CYSTM1: variants seen among roughly 807,000 people sequenced by gnomAD.
CYSTM1 encodes the protein cysteine-rich transmembrane module-containing protein 1.
CYSTM1 carries 4 observed loss-of-function variants against 13.1 expected under a neutral mutation model. The ratio of observed to expected loss-of-function variants is 0.31; its 90% CI spans 0.15 to 0.70. CYSTM1 has a LOEUF of 0.70. Ranked by LOEUF, CYSTM1 falls within the 30% of genes least tolerant of loss-of-function variation. The pLI is 0.72. For synonymous variants in CYSTM1, 36 were observed against 42.7 expected (o/e 0.84, Z 0.62); for missense variants, 96 against 121.6 (o/e 0.79, Z 0.99).
chr5:140,184,692 A>G (rs997200668), intron 1 of CYSTM1, among the ~76,000 whole-genome samples: 3 of 152,176 alleles, frequency 2.0e-5, no homozygotes, highest in African/African-American at 7.2e-5. Flanking sequence ...TATAAATGTT[A>G]TATCTTACAG....
chr5:140,243,313 G>A lies in CYSTM1; in HGVS notation c.196G>A (p.Val66Ile), dbSNP rs1362061880. 6.2e-7 allele frequency: 1 copy of A among 1,613,968 alleles called. No homozygotes were observed. The highest frequency in any genetic ancestry group is 1.1e-5 in the South Asian group (1 of 91,072). The change falls in exon 3 of 3, where the codon GTA becomes ATA. Residue 66 changes from valine (V) to isoleucine (I), a missense_variant. Val to Ile is a conservative substitution (Grantham distance 29). Coordinates refer to ENST00000261811, the MANE Select transcript of CYSTM1 (RefSeq NM_032412.4). ...QEPPKTTVYVVEDQRRDELGP... is the reference protein window; with the variant it reads ...QEPPKTTVYVIEDQRRDELGP... ...CCCTCTTCTCCCTCCAGTGTATGTG[G>A]TAGAAGACCAAAGAAGAGATGAGCT...
Position 140,175,745 on chromosome 5 carries a change from G to C in CYSTM1, c.-21+460G>C, listed in dbSNP as rs886981806. On this transcript the variant is annotated intron_variant, in intron 1 of 2. Coordinates refer to ENST00000261811, the MANE Select transcript of CYSTM1 (RefSeq NM_032412.4). The surrounding 1 kb of genome is among the most constrained non-coding windows in gnomAD (Gnocchi z 4.9). ...GCAGGGGGCAGGTCGCGAGTCCCGC[G>C]GGTGGGAGCGGAGCGGAAGTAACTA... Among the ~76,000 whole-genome samples the C allele has an allele frequency of 6.6e-6, 1 of 152,244 alleles. No individual in the cohort carries two copies. The highest frequency in any genetic ancestry group is 1.5e-5 in the Non-Finnish European group (1 of 68,050).
intron 1 of CYSTM1, among the ~76,000 whole-genome samples, chr5:140,184,469 A>T (rs914045528): frequency 2.0e-5 from 3 of 151,628 alleles, no homozygotes; most frequent in Admixed American, 2.0e-4. Flanking sequence ...CGTTCAAAGG[A>T]TAGGGTGTTT....
At chr5:140,237,992 G>T (rs531046131) in intron 2 of CYSTM1, among the ~76,000 whole-genome samples, 1 of 152,138 alleles carries the variant, frequency 6.6e-6, no homozygotes, top group African/African-American at 2.4e-5. Flanking sequence ...GTAAACGCCC[G>T]CACCTGTCTG....
chr5:140,225,314 T>C (rs1355556241), intron 2 of CYSTM1, among the ~76,000 whole-genome samples: 1 of 152,210 alleles, frequency 6.6e-6, no homozygotes, highest in Non-Finnish European at 1.5e-5. Flanking sequence ...TACAGGTGAA[T>C]CCCACTGTGG....
chr5:140,224,213 CA>C (rs1390522081), intron 2 of CYSTM1, among the ~76,000 whole-genome samples: 1 of 152,130 alleles, frequency 6.6e-6, no homozygotes, highest in African/African-American at 2.4e-5. Context: ...AATCTCGGCT[CA>C]CCGCAACCTC....
chr5:140,201,506 G>T (rs1233455516), intron 2 of CYSTM1: 1 of 152,136 alleles, frequency 6.6e-6, no homozygotes. Flanking sequence ...GCGATCAAAA[G>T]AAAATATCTC....
intron 2 of CYSTM1, among the ~76,000 whole-genome samples, chr5:140,241,161 G>A (rs1390909192): frequency 2.6e-5 from 4 of 152,182 alleles, no homozygotes; most frequent in Admixed American, 2.6e-4. Context: ...TGGCAAGAAC[G>A]AACCTGATTA....
chr5:140,240,229 A>C (rs1439885935), intron 2 of CYSTM1, among the ~76,000 whole-genome samples: 1 of 152,012 alleles, frequency 6.6e-6, no homozygotes, highest in Non-Finnish European at 1.5e-5. Flanking sequence ...AAAAAGGTTT[A>C]TATTTTTAAA....
intron 2 of CYSTM1, among the ~76,000 whole-genome samples, chr5:140,212,983 G>GTGTGTATATATATATA (rs1405430820): frequency 8.7e-6 from 1 of 114,294 alleles, no homozygotes; most frequent in Non-Finnish European, 1.8e-5. Context: ...CAAAACAAAA[G>GTGTGTATATATATATA]TATATATATA....
intron 2 of CYSTM1, among the ~76,000 whole-genome samples, chr5:140,195,831 G>A (rs1468791424): frequency 4.0e-5 from 6 of 151,392 alleles, no homozygotes; most frequent in Admixed American, 1.3e-4. Flanking sequence ...GATCACCTGA[G>A]GTCAGGAGTT....
intron 2 of CYSTM1, among the ~76,000 whole-genome samples, chr5:140,195,072 C>T (rs1764138735): frequency 6.6e-6 from 1 of 151,954 alleles, no homozygotes; most frequent in Non-Finnish European, 1.5e-5. Flanking sequence ...TCTTTTTTTT[C>T]TTACTAAATG....
intron 2 of CYSTM1, among the ~76,000 whole-genome samples, chr5:140,208,709 C>T (rs953934657): frequency 6.6e-6 from 1 of 151,934 alleles, no homozygotes; most frequent in African/African-American, 2.4e-5. Context: ...TACTATGTAC[C>T]CACAAAAATT....
chr5:140,226,613 A>ATATATATATATATATACAT lies in CYSTM1; in HGVS notation c.188-16692_188-16691insTATATATATATATATACAT, dbSNP rs61099181. ...ATATATATATATATATATATATATA[A>ATATATATATATATATACAT]AAATTAGCCAGATGTGATGGCGCAT... On this transcript the variant is annotated intron_variant, in intron 2 of 2. Transcript: ENST00000261811. 4.7e-5 allele frequency among the ~76,000 whole-genome samples: 4 copies of ATATATATATATATATACAT among 85,280 alleles called. No individual in the cohort carries two copies. The Admixed American group carries it at 6.3e-4, about 13-fold the overall frequency. The allele number at this position is 85,280 out of a possible 152,430, so 55.9% of individuals were successfully genotyped here.
chr5:140,231,168 C>T (rs1764613767), intron 2 of CYSTM1, among the ~76,000 whole-genome samples: 3 of 152,134 alleles, frequency 2.0e-5, no homozygotes, highest in Non-Finnish European at 4.4e-5. Flanking sequence ...ATAGTTCTCA[C>T]ATATTTTTAT....
intron 2 of CYSTM1, among the ~76,000 whole-genome samples, chr5:140,240,737 G>A (rs957444266): frequency 1.3e-5 from 2 of 151,964 alleles, no homozygotes; most frequent in African/African-American, 4.8e-5. Flanking sequence ...AAATTTCTGG[G>A]CCCCACCGCA....
rs1367174426 is a variant in CYSTM1, at chr5:140,230,243, C to CT, written c.188-13061dup. Among the ~76,000 whole-genome samples, 2 of 152,130 alleles carry CT rather than the reference C, an allele frequency of 1.3e-5. No homozygotes were observed. The highest frequency in any genetic ancestry group is 4.8e-5 in the African/African-American group (2 of 41,436). On this transcript the variant is annotated intron_variant, in intron 2 of 2. Transcript: ENST00000261811. This position sits in a 1 kb window ranked among gnomAD's most constrained non-coding sequence, Gnocchi z 4.1. ...TCTTTTTCCATCTTGGTAGTTCCAG[C>CT]TGCATGTATTAATTAGATCATCCTG... is the stretch of plus-strand genomic sequence containing the variant.
rs1179353079 is a variant in CYSTM1 at position 140,175,599 on chromosome 5, C to T, written c.-21+314C>T. ...TCGTCTCACGAGGAGTCGGCGGGCT[C>T]GGAGCGGGGCTCGCCACACCCCGTC... is the stretch of plus-strand genomic sequence containing the variant. On this transcript the variant is annotated intron_variant, in intron 1 of 2. Transcript: ENST00000261811. This position sits in a 1 kb window ranked among gnomAD's most constrained non-coding sequence, Gnocchi z 4.9. Among the ~76,000 whole-genome samples the T allele has an allele frequency of 1.3e-5, 2 of 152,166 alleles. No individual in the cohort carries two copies. Among genetic ancestry groups the T allele is most frequent in the East Asian group, 1.9e-4 (1 of 5,168 alleles).
At chr5:140,188,585 A>G (rs1236728997) in intron 1 of CYSTM1, among the ~76,000 whole-genome samples, 1 of 152,080 alleles carries the variant, frequency 6.6e-6, no homozygotes, top group Non-Finnish European at 1.5e-5. Context: ...AGGTCAGGAG[A>G]TCGAGACCAC....
Sources: allele counts gnomAD v4.1 joint callset (sites outside exome capture counted in the v4.1 genomes callset), GRCh38; gene constraint gnomAD v4.1.1; non-coding constraint Gnocchi (gnomAD v3.1); transcripts MANE v1.5; gene names NCBI Gene and HGNC (gene_info 2026-07-23, HGNC 2026-07-21).